The following RGS6 variants were observed in gnomAD, a reference collection of about 807,000 sequenced individuals.
RGS6 encodes regulator of G protein signaling 6.
A neutral mutation model predicts 78.5 loss-of-function variants in RGS6; 30 were observed. The ratio of observed to expected loss-of-function variants is 0.38; its 90% CI spans 0.29 to 0.52. The LOEUF (loss-of-function observed/expected upper bound fraction) is 0.52. RGS6 is among the 20% of genes least tolerant of loss of function. RGS6 has a pLI of 0.85. For synonymous variants in RGS6, 206 were observed against 206.0 expected, an observed-to-expected ratio of 1.00 and a Z score of 0.00; for missense variants, 495 against 609.7, an observed-to-expected ratio of 0.81 and a Z score of 1.98.
chr14:72,556,894 T>G (rs2097585920), intron 17 of RGS6, among the ~76,000 whole-genome samples: 1 of 152,222 alleles, frequency 6.6e-6, no homozygotes, highest in East Asian at 1.9e-4. Flanking sequence ...TGTTTTATGT[T>G]TGTGATATAG....
chr14:72,274,686 C>T (rs558933139), intron 2 of RGS6, among the ~76,000 whole-genome samples: 1 of 152,240 alleles, frequency 6.6e-6, no homozygotes, highest in South Asian at 2.1e-4. Context: ...GGGTCAGAGT[C>T]AGAGAAGAAG....
At chr14:72,514,159 G>A (rs892354828) in intron 14 of RGS6, 3 of 152,154 alleles carry the variant, frequency 2.0e-5, no homozygotes, top group African/African-American at 2.4e-5. Flanking sequence ...GGTTACTAAC[G>A]TAGGCACCCC....
chr14:72,226,118 T>A (rs1238724725), intron 2 of RGS6, among the ~76,000 whole-genome samples: 1 of 152,142 alleles, frequency 6.6e-6, no homozygotes, highest in Non-Finnish European at 1.5e-5. Flanking sequence ...TAAGAATAAA[T>A]AAAAATCCAA....
chr14:72,580,158 G>A, the RGS6 span, among the ~76,000 whole-genome samples: 1 of 152,278 alleles, frequency 6.6e-6, no homozygotes, highest in Admixed American at 6.5e-5. Flanking sequence ...TTAATGGAGG[G>A]ACTGTATGAC....
intron 17 of RGS6, among the ~76,000 whole-genome samples, chr14:72,549,838 G>A (rs904683591): frequency 4.6e-4 from 70 of 152,250 alleles, no homozygotes; most frequent in African/African-American, 1.7e-3. Flanking sequence ...CTCCAGCCTG[G>A]GCGACAGAGC....
At position 72,478,349 on chromosome 14, in the gene RGS6, T is replaced by A; in HGVS notation, c.854+20T>A. The A allele has an allele frequency of 6.7e-7, 1 of 1,502,910 alleles. No individual in the cohort carries two copies. Among genetic ancestry groups the A allele is most frequent in the Non-Finnish European group, 9.2e-7 (1 of 1,081,742 alleles). 93.1% of individuals were successfully genotyped at this position (1,502,910 alleles called of 1,614,324 possible). On this transcript the variant is annotated intron_variant, in intron 12 of 17. Coordinates refer to ENST00000553525, the MANE Select transcript of RGS6 (RefSeq NM_001204424.2). The stretch of plus-strand genomic sequence containing the variant: ...TGAAAGGTATGTTTTCCTTTAATAA[T>A]ATTACTACTTTCTTCTAATTTAACA...
chr14:72,621,311 C>A, the RGS6 span, among the ~76,000 whole-genome samples: 1 of 152,160 alleles, frequency 6.6e-6, no homozygotes, highest in Non-Finnish European at 1.5e-5. Context: ...CATACAGGAG[C>A]TGCTCGGAAA....
upstream of RGS6, among the ~76,000 whole-genome samples, chr14:71,927,569 C>T (rs1489532198): frequency 2.0e-5 from 3 of 152,238 alleles, no homozygotes; most frequent in South Asian, 4.2e-4. Context: ...GGCTGTGATT[C>T]GCAAATTCTT....
At chr14:72,288,716 C>T (rs571293710) in intron 2 of RGS6, among the ~76,000 whole-genome samples, 49 of 152,078 alleles carry the variant, frequency 3.2e-4, no homozygotes, top group Non-Finnish European at 5.9e-4. Context: ...GAAAGAAGGC[C>T]GGGCACATTA....
intron 4 of RGS6, among the ~76,000 whole-genome samples, chr14:72,457,132 C>A (rs1254605581): frequency 7.1e-6 from 1 of 141,752 alleles, no homozygotes; most frequent in Non-Finnish European, 1.5e-5. Context: ...CATCACTAAG[C>A]AAGTAAAATA....
chr14:72,421,608 G>A (rs2094184466), intron 3 of RGS6: 1 of 152,158 alleles, frequency 6.6e-6, no homozygotes, highest in Non-Finnish European at 1.5e-5. Context: ...AATCACCTCT[G>A]CTTTGACCTT....
chr14:72,231,842 A>AG, intron 2 of RGS6, among the ~76,000 whole-genome samples: 1 of 151,474 alleles, frequency 6.6e-6, no homozygotes, highest in Admixed American at 6.6e-5. Context: ...TGAGGAGGAG[A>AG]GGGGTGGGGG....
At chr14:72,059,799 C>G (rs371914715) in intron 2 of RGS6, among the ~76,000 whole-genome samples, 1 of 152,044 alleles carries the variant, frequency 6.6e-6, no homozygotes, top group African/African-American at 2.4e-5. Context: ...TGTAAGGACT[C>G]GGCAGAAAGG....
chr14:72,458,443 A>G (rs1349594122), intron 5 of RGS6, 66 bp downstream of exon 5: 1 of 1,242,092 alleles, frequency 8.1e-7, no homozygotes, highest in African/African-American at 1.5e-5. Context: ...CTTAGGTTAG[A>G]ACTACAAAGA....
At chr14:72,420,733 C>A (rs1016084641) in intron 3 of RGS6, among the ~76,000 whole-genome samples, 2 of 152,172 alleles carry the variant, frequency 1.3e-5, no homozygotes, top group Non-Finnish European at 2.9e-5. Context: ...TCATTATTTG[C>A]CTCTGGAAAA....
At chr14:72,244,992 T>G (rs2053857677) in intron 2 of RGS6, among the ~76,000 whole-genome samples, 1 of 152,132 alleles carries the variant, frequency 6.6e-6, no homozygotes, top group African/African-American at 2.4e-5. Flanking sequence ...ACCCCACTAA[T>G]TTTTGTATTT....
chr14:72,254,018 CAG>C (rs1252631969), intron 2 of RGS6, among the ~76,000 whole-genome samples: 1 of 152,164 alleles, frequency 6.6e-6, no homozygotes, highest in Non-Finnish European at 1.5e-5. Flanking sequence ...ACCACGATGA[CAG>C]AATTTACTTA....
At chr14:71,892,007 T>G in the RGS6 span, among the ~76,000 whole-genome samples, 54 of 152,310 alleles carry the variant, frequency 3.5e-4, 1 homozygote, top group Middle Eastern at 3.4e-3. Flanking sequence ...AAAGTAGAGA[T>G]TTTAATATAA....
chr14:72,012,716 T>C (rs1311370688), intron 2 of RGS6, among the ~76,000 whole-genome samples: 2 of 152,146 alleles, frequency 1.3e-5, no homozygotes, highest in African/African-American at 2.4e-5. Context: ...CAATTTTGTG[T>C]AATGGTGAAG....
Sources: allele counts gnomAD v4.1 joint callset (sites outside exome capture counted in the v4.1 genomes callset), GRCh38; gene constraint gnomAD v4.1.1; transcripts MANE v1.5; gene names NCBI Gene and HGNC (gene_info 2026-07-23, HGNC 2026-07-21).